The following SUMF1 variants were observed in gnomAD, a reference collection of about 807,000 sequenced individuals.
The protein encoded by SUMF1 is sulfatase modifying factor 1, also known as formylglycine-generating enzyme.
Under a neutral mutation model 47.6 loss-of-function variants are expected in SUMF1, and 48 were observed. The ratio of observed to expected loss-of-function variants is 1.01; its 90% CI spans 0.80 to 1.28. The LOEUF (loss-of-function observed/expected upper bound fraction) is 1.28, where lower values mean the gene tolerates loss of function less well. Among genes scored for constraint, SUMF1 ranks in the 50% most tolerant of loss-of-function variants. The probability of loss-of-function intolerance (pLI) is 0.00; values close to 1 mark genes in which losing one functional copy is unlikely to be tolerated. For synonymous variants in SUMF1, 230 were observed against 192.1 expected, an observed-to-expected ratio of 1.20 and a Z score of -1.63; for missense variants, 571 against 485.4, an observed-to-expected ratio of 1.18 and a Z score of -1.66.
At chr3:4,297,838 G>C (rs1320935136) in intron 8 of SUMF1, among the ~76,000 whole-genome samples, 2 of 152,120 alleles carry the variant, frequency 1.3e-5, no homozygotes, top group African/African-American at 4.8e-5. Context: ...GATAATGCTA[G>C]TGAAACTTTG....
chr3:4,383,240 G>A (rs768644689), intron 7 of SUMF1, among the ~76,000 whole-genome samples: 1 of 152,036 alleles, frequency 6.6e-6, no homozygotes, highest in Admixed American at 6.6e-5. Context: ...TTAGCCAGTC[G>A]TGGTGGTACA....
At chr3:4,084,484 A>G (rs374067120) in intron 8 of SUMF1, among the ~76,000 whole-genome samples, 3 of 152,162 alleles carry the variant, frequency 2.0e-5, no homozygotes, top group East Asian at 1.9e-4. Context: ...GAGAAATTAC[A>G]TACAACAAAA....
chr3:4,267,966 GC>G (rs1419032362), intron 8 of SUMF1, among the ~76,000 whole-genome samples: 1 of 145,914 alleles, frequency 6.9e-6, no homozygotes, highest in Non-Finnish European at 1.5e-5. Context: ...ATTCACAATA[GC>G]AAAGACTTGG....
intron 8 of SUMF1, among the ~76,000 whole-genome samples, chr3:4,133,380 G>A (rs1438051737): frequency 6.6e-6 from 1 of 152,134 alleles, no homozygotes; most frequent in East Asian, 1.9e-4. Context: ...GATCTCAGGA[G>A]ATGTGTATGG....
intron 8 of SUMF1, among the ~76,000 whole-genome samples, chr3:4,288,110 G>GA (rs1170473929): frequency 6.6e-6 from 1 of 152,106 alleles, no homozygotes; most frequent in African/African-American, 2.4e-5. Context: ...TGACCATTTA[G>GA]AACTACCTCA....
At chr3:4,150,486 G>A (rs1008575085) in intron 8 of SUMF1, among the ~76,000 whole-genome samples, 5 of 151,014 alleles carry the variant, frequency 3.3e-5, no homozygotes, top group African/African-American at 4.9e-5. Flanking sequence ...TGCTTGAACC[G>A]GGGAGGCGGA....
chr3:4,333,305 A>G (rs1386920027), intron 8 of SUMF1, among the ~76,000 whole-genome samples: 1 of 152,210 alleles, frequency 6.6e-6, no homozygotes, highest in Non-Finnish European at 1.5e-5. Flanking sequence ...GTCTGTCTGC[A>G]TGTTCCCCCT....
chr3:4,088,419 C>A (rs1343367492), intron 8 of SUMF1, among the ~76,000 whole-genome samples: 7 of 152,012 alleles, frequency 4.6e-5, no homozygotes, highest in African/African-American at 9.7e-5. Context: ...CTATTATGCA[C>A]CTTTATCTTC....
At chr3:4,054,564 G>T (rs1480959783) in intron 9 of SUMF1, among the ~76,000 whole-genome samples, 2 of 151,976 alleles carry the variant, frequency 1.3e-5, no homozygotes, top group East Asian at 3.9e-4. Flanking sequence ...TGTTTTAAAA[G>T]ATATCTTTAC....
At position 4,308,726 on chromosome 3, in the gene SUMF1, C is replaced by A. The variant is rs984774853; in HGVS notation, c.1014+67604G>T. On this transcript the variant is annotated intron_variant and NMD_transcript_variant, in intron 8 of 12. Transcript: ENST00000448413. ...CCACTGCTTCCTCACAGTTCAAGAC[C>A]ATAGTCACAGAGTTTTCCTGCCTGG... 3.9e-5 allele frequency among the ~76,000 whole-genome samples: 6 copies of A among 152,322 alleles called. No individual in the cohort carries two copies. The East Asian group carries it at 1.2e-3, about 29-fold the overall frequency.
intron 8 of SUMF1, among the ~76,000 whole-genome samples, chr3:4,246,266 C>A (rs957525076): frequency 2.6e-5 from 4 of 152,152 alleles, no homozygotes; most frequent in Non-Finnish European, 5.9e-5. Context: ...GTGGGCTGCA[C>A]CCACTGTCCA....
At chr3:4,275,111 A>T (rs1697384918) in intron 8 of SUMF1, among the ~76,000 whole-genome samples, 1 of 152,152 alleles carries the variant, frequency 6.6e-6, no homozygotes, top group Non-Finnish European at 1.5e-5. Context: ...ATTAGCCTCC[A>T]GACTGTACAT....
chr3:4,309,309 T>C (rs1698314386), intron 8 of SUMF1, among the ~76,000 whole-genome samples: 1 of 152,202 alleles, frequency 6.6e-6, no homozygotes, highest in Non-Finnish European at 1.5e-5. Flanking sequence ...CTTCCCATCA[T>C]GACCTGAACT....
intron 8 of SUMF1, among the ~76,000 whole-genome samples, chr3:4,207,735 A>C (rs1695684137): frequency 6.6e-6 from 1 of 152,166 alleles, no homozygotes; most frequent in Non-Finnish European, 1.5e-5. Flanking sequence ...TTCATCAAAG[A>C]AGTGAGGTAG....
At chr3:4,180,893 T>G (rs1025687219) in intron 8 of SUMF1, among the ~76,000 whole-genome samples, 1 of 151,918 alleles carries the variant, frequency 6.6e-6, no homozygotes, top group African/African-American at 2.4e-5. Context: ...CCCCACATGG[T>G]TGGTAAGAAT....
At chr3:4,197,326 T>G (rs561811240) in intron 8 of SUMF1, among the ~76,000 whole-genome samples, 2 of 152,122 alleles carry the variant, frequency 1.3e-5, no homozygotes, top group South Asian at 4.2e-4. Flanking sequence ...TGTTGCCCAG[T>G]ATGGGCTCAA....
At chr3:4,269,652 T>C (rs2125034094) in intron 8 of SUMF1, among the ~76,000 whole-genome samples, 1 of 152,220 alleles carries the variant, frequency 6.6e-6, no homozygotes, top group East Asian at 1.9e-4. Context: ...GTTGTTATCC[T>C]GATAATCAAA....
intron 8 of SUMF1, among the ~76,000 whole-genome samples, chr3:4,232,283 C>A (rs1044001978): frequency 6.6e-6 from 1 of 152,112 alleles, no homozygotes; most frequent in Non-Finnish European, 1.5e-5. Flanking sequence ...AGACAGCAAG[C>A]ACGTTGTTGC....
Position 4,329,765 on chromosome 3 carries a change from G to GT in SUMF1, c.1014+46564dup, listed in dbSNP as rs67442713. Among the ~76,000 whole-genome samples the GT allele has an allele frequency of 2.5e-3, 367 of 147,522 alleles. 2 individuals carry two copies. Among genetic ancestry groups the GT allele is most frequent in the East Asian group, 7.2e-3 (36 of 5,002 alleles). On this transcript the variant is annotated intron_variant and NMD_transcript_variant, in intron 8 of 12. Coordinates refer to the SUMF1 transcript ENST00000448413. ...CAGCTTGAATTTCTCCTTAGAAAAT[G>GT]TTTTTTTTTTTTCCTATCACATCAT...
Sources: gnomAD v4.1 joint callset for allele counts (sites outside exome capture counted in the v4.1 genomes callset) on GRCh38, gnomAD v4.1.1 for gene constraint, MANE v1.5 for transcripts, NCBI Gene and HGNC (gene_info 2026-07-23, HGNC 2026-07-21) for gene names.